LARGE1: variants seen among roughly 807,000 people sequenced by gnomAD.
LARGE1 encodes the protein xylosyl- and glucuronyltransferase LARGE1.
Under a neutral mutation model 87.6 loss-of-function variants are expected in LARGE1, and 43 were observed. That is an observed-to-expected ratio of 0.49 (90% CI 0.38 to 0.63). The LOEUF (loss-of-function observed/expected upper bound fraction) is 0.63, where lower values mean the gene tolerates loss of function less well. Ranked by LOEUF, LARGE1 falls within the 30% of genes least tolerant of loss-of-function variation. LARGE1 has a pLI of 0.00. For synonymous variants in LARGE1, 434 were observed against 394.6 expected (o/e 1.10, Z -1.18); for missense variants, 802 against 1,000.2 (o/e 0.80, Z 2.67).
intron 7 of LARGE1, 50 bp from the exon 8 acceptor site, chr22:33,384,354 GAGAGCT>G: frequency 7.3e-7 from 1 of 1,362,132 alleles, no homozygotes; most frequent in Non-Finnish European, 1.0e-6. Flanking sequence ...AAAAAAGATG[GAGAGCT>G]AGGCACACCT....
intron 7 of LARGE1, among the ~76,000 whole-genome samples, chr22:33,424,610 G>C (rs2066809195): frequency 6.6e-6 from 1 of 152,096 alleles, no homozygotes; most frequent in Non-Finnish European, 1.5e-5. Flanking sequence ...AGGATTGCTT[G>C]AGCTCAGGAT....
At chr22:33,166,765 A>G in exon 12 of LARGE1, 1 of 471,534 alleles carries the variant, frequency 2.1e-6, no homozygotes, top group Non-Finnish European at 4.4e-6. Flanking sequence ...GAGGACAATT[A>G]TAGGCATGTG....
chr22:33,552,636 G>C (rs1388625676), intron 6 of LARGE1, among the ~76,000 whole-genome samples: 1 of 150,520 alleles, frequency 6.6e-6, no homozygotes, highest in African/African-American at 2.5e-5. Flanking sequence ...ACAACTCAAA[G>C]ATAAAAAGAA....
chr22:33,702,429 C>A (rs2082428044), intron 2 of LARGE1, among the ~76,000 whole-genome samples: 1 of 152,004 alleles, frequency 6.6e-6, no homozygotes, highest in South Asian at 2.1e-4. Context: ...CAGGGCCTTG[C>A]CGAGAAATAG....
intron 6 of LARGE1, among the ~76,000 whole-genome samples, chr22:33,540,518 C>A (rs1391707014): frequency 6.6e-6 from 1 of 152,214 alleles, no homozygotes; most frequent in African/African-American, 2.4e-5. Flanking sequence ...ATCCCGTCTC[C>A]AAACACTCCT....
rs188675457 is a variant in LARGE1, at chr22:33,650,657, C to T, written c.118G>A (p.Val40Met). The T allele has an allele frequency of 1.6e-5, 25 of 1,600,702 alleles. No homozygotes were observed. In the African/African-American group the frequency reaches 2.7e-4, roughly 17 times the overall value. ...FSGSFEDGKP[V>M]SLSPLESQAH... The stretch of plus-strand genomic sequence containing the variant: ...TGGGACTCCAGCGGTGACAGAGACA[C>T]GGGCTTTCCATCTGGGGAGCGAAAC... The change falls in exon 3 of 15, where the codon GTG becomes ATG. Residue 40 changes from valine (V) to methionine (M), a missense_variant. Transcript: ENST00000397394.
chr22:33,102,327 C>T, the LARGE1 span, among the ~76,000 whole-genome samples: 1 of 151,862 alleles, frequency 6.6e-6, no homozygotes, highest in Non-Finnish European at 1.5e-5. Context: ...GGCCACCATG[C>T]CCAGCTAATT....
At chr22:33,074,667 TC>T in the LARGE1 span, among the ~76,000 whole-genome samples, 3 of 151,972 alleles carry the variant, frequency 2.0e-5, no homozygotes, top group African/African-American at 7.3e-5. Flanking sequence ...AGAGTGAGAC[TC>T]CATCTTAGAA....
At chr22:33,414,508 G>A (rs1374017815) in intron 7 of LARGE1, among the ~76,000 whole-genome samples, 1 of 152,134 alleles carries the variant, frequency 6.6e-6, no homozygotes, top group Non-Finnish European at 1.5e-5. Flanking sequence ...CAAGTGGGTA[G>A]GACGTAGCTA....
intron 1 of LARGE1, among the ~76,000 whole-genome samples, chr22:33,789,878 A>T (rs1316187742): frequency 2.0e-5 from 3 of 152,316 alleles, no homozygotes; most frequent in Middle Eastern, 3.4e-3. Context: ...TAGGTGGAAG[A>T]GACTAGCCTT....
Position 33,415,538 on chromosome 22 carries a change from G to A in LARGE1, c.892+16623C>T, listed in dbSNP as rs530826211. 3.3e-5 allele frequency among the ~76,000 whole-genome samples: 5 copies of A among 152,288 alleles called. No homozygotes were observed. The South Asian group carries it at 8.3e-4, about 25-fold the overall frequency. ...GCTTTTGCTCAGGAAGGCAAGCGAT[G>A]GGAAATCTTGCCATCTTTTCAGGAT... is the stretch of plus-strand genomic sequence containing the variant. On this transcript the variant is annotated intron_variant, in intron 7 of 14. Coordinates refer to ENST00000397394, the MANE Select transcript of LARGE1 (RefSeq NM_133642.5).
intron 1 of LARGE1, among the ~76,000 whole-genome samples, chr22:33,830,053 C>T (rs2062920854): frequency 6.6e-6 from 1 of 152,168 alleles, no homozygotes; most frequent in Admixed American, 6.5e-5. Context: ...CTCACAATGA[C>T]AGATGTAACA....
intron 11 of LARGE1, among the ~76,000 whole-genome samples, chr22:33,226,924 T>C (rs933198837): frequency 2.6e-5 from 4 of 151,926 alleles, no homozygotes; most frequent in African/African-American, 9.7e-5. Flanking sequence ...AGAGACGGGG[T>C]TTCACCGTGT....
chr22:33,333,152 G>T (rs528635865), intron 10 of LARGE1, among the ~76,000 whole-genome samples: 17 of 151,930 alleles, frequency 1.1e-4, no homozygotes, highest in African/African-American at 3.6e-4. Context: ...GACTACAGGC[G>T]CCCACTACAG....
the LARGE1 span, among the ~76,000 whole-genome samples, chr22:33,098,471 A>T: frequency 2.6e-5 from 4 of 151,998 alleles, no homozygotes; most frequent in Admixed American, 2.0e-4. Flanking sequence ...TACAAAAAAA[A>T]TTAGCGGGGT....
At chr22:33,580,225 C>A (rs2078476329) in intron 5 of LARGE1, among the ~76,000 whole-genome samples, 1 of 152,050 alleles carries the variant, frequency 6.6e-6, no homozygotes, top group African/African-American at 2.4e-5. Context: ...ACAAAATTAG[C>A]CAGGCATGGT....
intron 6 of LARGE1, among the ~76,000 whole-genome samples, chr22:33,521,758 G>A (rs1269235385): frequency 6.6e-6 from 1 of 152,188 alleles, no homozygotes; most frequent in Non-Finnish European, 1.5e-5. Context: ...GTCTGCAAGG[G>A]AAGCTGAGAG....
At chr22:33,814,073 G>A (rs534080409) in intron 1 of LARGE1, among the ~76,000 whole-genome samples, 65 of 152,270 alleles carry the variant, frequency 4.3e-4, no homozygotes, top group African/African-American at 1.5e-3. Context: ...GGCCAAGAGT[G>A]TAAATCATAT....
chr22:33,315,894 C>T (rs779363984), intron 11 of LARGE1, among the ~76,000 whole-genome samples, 191 bp downstream of exon 11: 1 of 152,164 alleles, frequency 6.6e-6, no homozygotes, highest in Non-Finnish European at 1.5e-5. Context: ...TCCCAAAGTG[C>T]TAGGATTACA....
Sources: gnomAD v4.1 joint callset for allele counts (sites outside exome capture counted in the v4.1 genomes callset) on GRCh38, gnomAD v4.1.1 for gene constraint, MANE v1.5 for transcripts, NCBI Gene and HGNC (gene_info 2026-07-23, HGNC 2026-07-21) for gene names.